Variants in ADGRV1 observed in about 807,000 individuals in gnomAD.
The protein encoded by ADGRV1 is adhesion G protein-coupled receptor V1, also known as G-protein coupled receptor 98.
A neutral mutation model predicts 596.2 loss-of-function variants in ADGRV1; 359 were observed. That is an observed-to-expected ratio of 0.60 (90% CI 0.55 to 0.66). The LOEUF is 0.66. Ranked by LOEUF, ADGRV1 falls within the 30% of genes least tolerant of loss-of-function variation. The pLI, the probability that ADGRV1 is intolerant of heterozygous loss-of-function variation, is 0.00. For missense variants in ADGRV1, 7,274 were observed against 7,575.6 expected, an observed-to-expected ratio of 0.96 and a Z score of 1.48; for synonymous variants, 2,681 against 2,679.2, an observed-to-expected ratio of 1.00 and a Z score of -0.02.
At chr5:90,611,447 A>G (rs2152042853) in intron 1 of ADGRV1, among the ~76,000 whole-genome samples, 1 of 152,110 alleles carries the variant, frequency 6.6e-6, no homozygotes, top group Middle Eastern at 3.4e-3. Context: ...AGTGGAAGAA[A>G]GAGTTTTAAT....
At chr5:90,843,097 A>G (rs534202738) in intron 78 of ADGRV1, among the ~76,000 whole-genome samples, 1 of 152,312 alleles carries the variant, frequency 6.6e-6, no homozygotes, top group South Asian at 2.1e-4. Flanking sequence ...TAACCTATAA[A>G]TGAATCGTAA....
chr5:90,958,283 C>CAAAAAA (rs34676985), intron 83 of ADGRV1, among the ~76,000 whole-genome samples: 80 of 72,600 alleles, frequency 1.1e-3, no homozygotes, highest in African/African-American at 1.2e-3. Context: ...GACCTTGTCT[C>CAAAAAA]AAAAAAAAAA....
chr5:90,883,783 G>A (rs1770020470), intron 83 of ADGRV1, among the ~76,000 whole-genome samples: 1 of 152,146 alleles, frequency 6.6e-6, no homozygotes, highest in Admixed American at 6.6e-5. Flanking sequence ...CGGGACTGTG[G>A]CATGGAGAAG....
chr5:90,626,606 A>T (rs1290478245), intron 6 of ADGRV1: 2 of 152,206 alleles, frequency 1.3e-5, no homozygotes, highest in African/African-American at 2.4e-5. Flanking sequence ...GGAAAAAAAA[A>T]AGAAAGAAAA....
chr5:90,638,707 A>G (rs1464133049), intron 11 of ADGRV1, among the ~76,000 whole-genome samples: 1 of 152,148 alleles, frequency 6.6e-6, no homozygotes, highest in Non-Finnish European at 1.5e-5. Context: ...GGCTTTGTGC[A>G]ATTCATATTT....
chr5:90,748,048 T>C (rs1191420924), intron 52 of ADGRV1, among the ~76,000 whole-genome samples: 1 of 152,126 alleles, frequency 6.6e-6, no homozygotes, highest in Non-Finnish European at 1.5e-5. Flanking sequence ...AATAGACCAG[T>C]TAGGAATTAT....
At chr5:90,919,442 C>G (rs1445694329) in intron 83 of ADGRV1, among the ~76,000 whole-genome samples, 1 of 152,050 alleles carries the variant, frequency 6.6e-6, no homozygotes, top group South Asian at 2.1e-4. Flanking sequence ...GTTTTTACAC[C>G]TTCTAATTTG....
At chr5:91,034,239 T>A (rs530467618) in intron 85 of ADGRV1, among the ~76,000 whole-genome samples, 21 of 152,130 alleles carry the variant, frequency 1.4e-4, no homozygotes, top group Non-Finnish European at 2.5e-4. Context: ...CCAGCTATGG[T>A]TAGTCTAACT....
chr5:90,695,996 A>G (rs1747147706), intron 33 of ADGRV1, among the ~76,000 whole-genome samples: 1 of 152,178 alleles, frequency 6.6e-6, no homozygotes, highest in Non-Finnish European at 1.5e-5. Flanking sequence ...TTAGCATCAC[A>G]CAAAATGGAC....
intron 85 of ADGRV1, among the ~76,000 whole-genome samples, chr5:91,056,132 C>T (rs569049049): frequency 6.6e-6 from 1 of 152,284 alleles, no homozygotes; most frequent in East Asian, 1.9e-4. Flanking sequence ...ACTTTTGAAG[C>T]GTTGGTTGTG....
At chr5:90,767,608 T>C (rs1413689774) in intron 59 of ADGRV1, among the ~76,000 whole-genome samples, 1 of 151,814 alleles carries the variant, frequency 6.6e-6, no homozygotes, top group Non-Finnish European at 1.5e-5. Flanking sequence ...ATTAAAAACA[T>C]TAAAAGCTCA....
chr5:90,824,297 T>C (rs1763880725), intron 76 of ADGRV1, among the ~76,000 whole-genome samples: 1 of 152,220 alleles, frequency 6.6e-6, no homozygotes, highest in Non-Finnish European at 1.5e-5. Context: ...CAATAACAAA[T>C]ATTCTAGAGC....
intron 58 of ADGRV1, among the ~76,000 whole-genome samples, chr5:90,760,729 C>T (rs1302268399): frequency 6.6e-6 from 1 of 151,914 alleles, no homozygotes; most frequent in Non-Finnish European, 1.5e-5. Flanking sequence ...TGTTTACTTC[C>T]AAGACTTGAA....
intron 87 of ADGRV1, among the ~76,000 whole-genome samples, chr5:91,107,615 A>G (rs982398245): frequency 6.6e-6 from 1 of 152,186 alleles, no homozygotes; most frequent in Non-Finnish European, 1.5e-5. Flanking sequence ...GGTTCAAAGC[A>G]TGAGATAAAA....
chr5:90,588,827 C>T (rs964075923), intron 1 of ADGRV1, among the ~76,000 whole-genome samples: 1 of 152,180 alleles, frequency 6.6e-6, no homozygotes, highest in Non-Finnish European at 1.5e-5. Context: ...GAGGGTACAA[C>T]TCTGATAATG....
intron 26 of ADGRV1, among the ~76,000 whole-genome samples, chr5:90,680,192 A>C (rs1314208277): frequency 6.6e-6 from 1 of 152,120 alleles, no homozygotes; most frequent in Non-Finnish European, 1.5e-5. Context: ...TCTACTAAAA[A>C]TACAAAAATT....
intron 85 of ADGRV1, among the ~76,000 whole-genome samples, chr5:91,028,731 T>TG (rs1340399853): frequency 2.5e-3 from 306 of 123,614 alleles, no homozygotes; most frequent in Non-Finnish European, 4.7e-3. Flanking sequence ...CACTAGACTC[T>TG]GTTTTTTTTT....
chr5:90,871,629 A>G (rs546484152), intron 83 of ADGRV1, among the ~76,000 whole-genome samples: 4 of 152,274 alleles, frequency 2.6e-5, no homozygotes, highest in Non-Finnish European at 4.4e-5. Flanking sequence ...TTACCAAAAA[A>G]TACCAGTTTG....
At chr5:91,065,547 A>G (rs1038084636) in intron 85 of ADGRV1, among the ~76,000 whole-genome samples, 5 of 152,194 alleles carry the variant, frequency 3.3e-5, no homozygotes, top group African/African-American at 1.2e-4. Flanking sequence ...CATCCATTCC[A>G]GTATTTTTAG....
Sources: allele counts gnomAD v4.1 joint callset (sites outside exome capture counted in the v4.1 genomes callset), GRCh38; gene constraint gnomAD v4.1.1; transcripts MANE v1.5; gene names NCBI Gene and HGNC (gene_info 2026-07-23, HGNC 2026-07-21).